METTL2A: variants seen among roughly 807,000 people sequenced by gnomAD.
METTL2A encodes tRNA N(3)-cytidine methyltransferase METTL2A.
In METTL2A, 45 loss-of-function variants were observed where a neutral mutation model predicts 49.4. The ratio of observed to expected loss-of-function variants is 0.91; its 90% CI spans 0.72 to 1.17. The LOEUF (loss-of-function observed/expected upper bound fraction) is 1.17. Ranked by LOEUF, METTL2A falls within the 50% of genes most tolerant of loss-of-function variation. METTL2A has a pLI of 0.00. For missense variants in METTL2A, 361 were observed against 462.2 expected (o/e 0.78, Z 2.01); for synonymous variants, 118 against 167.5 (o/e 0.70, Z 2.28).
chr17:62,437,845 ACCTGTTGTCCC>A (rs2070711298), intron 5 of METTL2A, among the ~76,000 whole-genome samples: 1 of 151,918 alleles, frequency 6.6e-6, no homozygotes, highest in Admixed American at 6.6e-5. Flanking sequence ...GGTGGCACGC[ACCTGTTGTCCC>A]AGCTACTTGG....
intron 8 of METTL2A, among the ~76,000 whole-genome samples, chr17:62,448,138 G>A (rs1466349873): frequency 6.6e-6 from 1 of 152,168 alleles, no homozygotes; most frequent in East Asian, 1.9e-4. Context: ...TAGGGGTGCT[G>A]GGAACTGCTC....
chr17:62,440,576 T>A, intron 5 of METTL2A, 41 bp from the exon 6 acceptor site: 1 of 1,584,344 alleles, frequency 6.3e-7, no homozygotes, highest in Non-Finnish European at 8.6e-7. Flanking sequence ...TAGGCTATGT[T>A]AATATTTTCT....
chr17:62,435,200 T>C, intron 4 of METTL2A, 32 bp from the exon 5 acceptor site: 1 of 1,613,946 alleles, frequency 6.2e-7, no homozygotes, highest in Non-Finnish European at 8.5e-7. Context: ...CGATTTGTAG[T>C]CTCATTGTTC....
At chr17:62,445,779 G>A (rs566332868) in intron 7 of METTL2A, among the ~76,000 whole-genome samples, 2 of 149,362 alleles carry the variant, frequency 1.3e-5, no homozygotes, top group Non-Finnish European at 1.5e-5. Context: ...CCTGGGCAAC[G>A]AGTGAAACTG....
At position 62,426,501 on chromosome 17, in the gene METTL2A, A is replaced by C; in HGVS notation, c.405A>C (p.Leu135Phe). Residue 135 changes from leucine (L) to phenylalanine (F), a missense_variant, in exon 3 of 9, where the codon TTA becomes TTC. Transcript: ENST00000311506. ...GAAACAATGAGGATGGACCTGGTTT[A>C]ATAATGGAAGAACAGCACAAGTGTT... ...ECRNNEDGPGLIMEEQHKCSS... is the reference protein window; with the variant it reads ...ECRNNEDGPGFIMEEQHKCSS... 4.3e-6 allele frequency: 7 copies of C among 1,613,676 alleles called. No individual in the cohort carries two copies. The highest frequency in any genetic ancestry group is 5.9e-6 in the Non-Finnish European group (7 of 1,179,870).
chr17:62,432,972 T>A (rs767216536), intron 4 of METTL2A, among the ~76,000 whole-genome samples: 13 of 152,154 alleles, frequency 8.5e-5, no homozygotes, highest in Non-Finnish European at 1.8e-4. Context: ...AATACAACAA[T>A]TTTTAAAAAT....
rs2070797054 is a variant in METTL2A at position 62,450,223 on chromosome 17, G to A, written c.*1494G>A. 7.4e-6 allele frequency: 1 copy of A among 134,574 alleles called. No individual in the cohort carries two copies. Among genetic ancestry groups the A allele is most frequent in the Non-Finnish European group, 1.5e-5 (1 of 65,104 alleles). 8.3% of individuals were successfully genotyped at this position (134,574 alleles called of 1,614,324 possible). A position where few individuals can be genotyped will look rare whatever the true frequency, so the allele number is the denominator to read the frequency against. On this transcript the variant is annotated 3_prime_UTR_variant, in exon 9 of 9. Coordinates refer to ENST00000311506, the MANE Select transcript of METTL2A (RefSeq NM_181725.4). ...CCACATCATCACTTCACTTCTGAAT[G>A]TGATCATTATCAGTGTTAGATGCCT...
rs1488088001 is a variant in METTL2A, at chr17:62,452,923, TG to T, written c.*4197del. The stretch of plus-strand genomic sequence containing the variant: ...GCCCCACTTAATGGGTTTTCAGAGG[TG>T]GGAGCAAAGAATGAAGGGAGGAAGA... On this transcript the variant is annotated 3_prime_UTR_variant, in exon 9 of 9. Coordinates refer to ENST00000311506, the MANE Select transcript of METTL2A (RefSeq NM_181725.4). Among the ~76,000 whole-genome samples the T allele has an allele frequency of 2.0e-5, 3 of 152,262 alleles. No homozygotes were observed. In the East Asian group the frequency reaches 5.8e-4, roughly 29 times the overall value.
In METTL2A at chr17:62,449,402, T is replaced by C. The variant is rs573178010; in HGVS notation, c.*673T>C. On this transcript the variant is annotated 3_prime_UTR_variant, in exon 9 of 9. Transcript: ENST00000311506. ...TGTGGTGTTCTTGTTAAGTAATTGATCGTGGTCTTCGCTTTAATCTTAGTT... is the reference window on the plus strand; with the variant it reads ...TGTGGTGTTCTTGTTAAGTAATTGACCGTGGTCTTCGCTTTAATCTTAGTT... The C allele has an allele frequency of 2.2e-6, 1 of 453,324 alleles. No homozygotes were observed. The highest frequency in any genetic ancestry group is 7.0e-5 in the East Asian group (1 of 14,210). The allele number at this position is 453,324 out of a possible 1,614,324, so 28.1% of individuals were successfully genotyped here.
chr17:62,432,883 G>A (rs1249792042), intron 4 of METTL2A, among the ~76,000 whole-genome samples: 1 of 51,266 alleles, frequency 2.0e-5, no homozygotes, highest in African/African-American at 5.1e-5. Flanking sequence ...GGATTGGTTG[G>A]GGCTGCAGTG....
At chr17:62,440,790 A>G (rs2070734597) in intron 6 of METTL2A, 34 bp downstream of exon 6, 2 of 1,597,632 alleles carry the variant, frequency 1.3e-6, no homozygotes, top group Admixed American at 1.8e-5. Flanking sequence ...TAGTGTCACA[A>G]AAAGGAAGCT....
rs1444621599 is a variant in METTL2A, at chr17:62,451,934, C to T, written c.*3205C>T. On this transcript the variant is annotated 3_prime_UTR_variant, in exon 9 of 9. Transcript: ENST00000311506. ...AATTAGCTGGGCATGGTGGTGGGCGCCTGTAATCCCAGCTATTTGGGAGGG... is the reference window on the plus strand; with the variant it reads ...AATTAGCTGGGCATGGTGGTGGGCGTCTGTAATCCCAGCTATTTGGGAGGG... Among the ~76,000 whole-genome samples, 1 of 150,052 alleles carries T rather than the reference C, an allele frequency of 6.7e-6. No individual in the cohort carries two copies. The highest frequency in any genetic ancestry group is 2.5e-5 in the African/African-American group (1 of 40,562).
intron 4 of METTL2A, among the ~76,000 whole-genome samples, chr17:62,428,117 A>G (rs990505703): frequency 9.9e-5 from 15 of 151,804 alleles, no homozygotes; most frequent in Admixed American, 2.6e-4. Context: ...TAATTTGATT[A>G]TCTTTGTCAT....
intron 4 of METTL2A, among the ~76,000 whole-genome samples, chr17:62,428,473 G>A (rs972930396): frequency 8.5e-5 from 13 of 152,152 alleles, no homozygotes; most frequent in Non-Finnish European, 1.3e-4. Flanking sequence ...TTAAGGGTTC[G>A]GTCCCAGAAG....
At chr17:62,426,737 A>G in intron 3 of METTL2A, 83 bp downstream of exon 3, 2 of 1,000,182 alleles carry the variant, frequency 2.0e-6, no homozygotes, top group South Asian at 3.4e-5. Flanking sequence ...GCTGACAACA[A>G]AAGTAACTTC....
At chr17:62,438,391 G>C (rs1234491478) in intron 5 of METTL2A, among the ~76,000 whole-genome samples, 1 of 146,292 alleles carries the variant, frequency 6.8e-6, no homozygotes, top group Non-Finnish European at 1.5e-5. Flanking sequence ...TGGGCTACAA[G>C]AGTGAAACTC....
At chr17:62,447,584 C>A in intron 7 of METTL2A, 117 bp from the exon 8 acceptor site, 1 of 1,059,144 alleles carries the variant, frequency 9.4e-7, no homozygotes, top group Non-Finnish European at 1.4e-6. Flanking sequence ...CTTCCCGAAG[C>A]ACTGAGGCAG....
rs546247141 is a variant in METTL2A at position 62,451,561 on chromosome 17, G to A, written c.*2832G>A. Among the ~76,000 whole-genome samples the A allele has an allele frequency of 2.0e-5, 3 of 151,794 alleles. No individual in the cohort carries two copies. Among genetic ancestry groups the A allele is most frequent in the East Asian group, 2.0e-4 (1 of 5,054 alleles). ...GCGGATCATTTGAGGTCGGGAGTTC[G>A]AGACCAGCCTGGCCAACTTAATGAA... On this transcript the variant is annotated 3_prime_UTR_variant, in exon 9 of 9. Coordinates refer to ENST00000311506, the MANE Select transcript of METTL2A (RefSeq NM_181725.4).
At chr17:62,444,454 A>G (rs2070755925) in intron 6 of METTL2A, among the ~76,000 whole-genome samples, 1 of 152,024 alleles carries the variant, frequency 6.6e-6, no homozygotes. Context: ...TACTTTTTGT[A>G]TTTTTAGTAG....
Sources: gnomAD v4.1 joint callset for allele counts (sites outside exome capture counted in the v4.1 genomes callset) on GRCh38, gnomAD v4.1.1 for gene constraint, MANE v1.5 for transcripts, NCBI Gene and HGNC (gene_info 2026-07-23, HGNC 2026-07-21) for gene names.